The following LASP1 variants were observed in gnomAD, a reference collection of about 807,000 sequenced individuals.
LASP1 encodes LIM and SH3 domain protein 1.
Under a neutral mutation model 38.6 loss-of-function variants are expected in LASP1, and 10 were observed. That is an observed-to-expected ratio of 0.26 (90% CI 0.16 to 0.44). LASP1 has a LOEUF of 0.44. Among genes scored for constraint, LASP1 ranks in the 20% least tolerant of loss-of-function variants. The pLI is 1.00. For missense variants in LASP1, 243 were observed against 375.7 expected (o/e 0.65, Z 2.92); for synonymous variants, 132 against 140.8 (o/e 0.94, Z 0.44).
chr17:38,879,227 C>G (rs1432107566), intron 2 of LASP1, among the ~76,000 whole-genome samples: 1 of 134,728 alleles, frequency 7.4e-6, no homozygotes, highest in Non-Finnish European at 1.5e-5. Context: ...GCGATCTTGG[C>G]TCACTGCAAC....
In LASP1 at chr17:38,919,367, G is replaced by C. The variant is rs1915232507; in HGVS notation, c.*589G>C. 1 of 240,468 alleles carries C rather than the reference G, an allele frequency of 4.2e-6. No individual in the cohort carries two copies. Among genetic ancestry groups the C allele is most frequent in the Non-Finnish European group, 8.2e-6 (1 of 121,990 alleles). 14.9% of individuals were successfully genotyped at this position (240,468 alleles called of 1,614,324 possible). ...ACAACAGGAGAATGGGGTTCCTGCT[G>C]TGGGGCGAATTCATCCCCTCCCCGC... On this transcript the variant is annotated 3_prime_UTR_variant, in exon 7 of 7. Coordinates refer to ENST00000318008, the MANE Select transcript of LASP1 (RefSeq NM_006148.4).
chr17:38,914,969 G>C, intron 5 of LASP1, 74 bp from the exon 6 acceptor site: 1 of 1,387,512 alleles, frequency 7.2e-7, no homozygotes, highest in Non-Finnish European at 1.0e-6. Context: ...GCATGGTATG[G>C]ACTTCTCGGG....
chr17:38,905,552 T>C (rs1314395169), intron 4 of LASP1, among the ~76,000 whole-genome samples: 1 of 120,760 alleles, frequency 8.3e-6, no homozygotes, highest in Non-Finnish European at 1.8e-5. Flanking sequence ...AAAAAAAAAG[T>C]GTGCTCCTTC....
In LASP1 at chr17:38,918,555, C is replaced by G; in HGVS notation, c.613-50C>G. 1 of 1,524,182 alleles carries G rather than the reference C, an allele frequency of 6.6e-7. No homozygotes were observed. The highest frequency in any genetic ancestry group is 8.8e-7 in the Non-Finnish European group (1 of 1,130,594). 94.4% of individuals were successfully genotyped at this position (1,524,182 alleles called of 1,614,324 possible). A position where few individuals can be genotyped will look rare whatever the true frequency, so the allele number is the denominator to read the frequency against. ...GAGAGTTAGAAAAAAATGCTCAGACCCAGGTGAGCCGGCATGCAGGGCCCT... is the reference window on the plus strand; with the variant it reads ...GAGAGTTAGAAAAAAATGCTCAGACGCAGGTGAGCCGGCATGCAGGGCCCT... On this transcript the variant is annotated intron_variant, in intron 6 of 6. Coordinates refer to ENST00000318008, the MANE Select transcript of LASP1 (RefSeq NM_006148.4). This position sits in a 1 kb window ranked among gnomAD's most constrained non-coding sequence, Gnocchi z 4.4.
chr17:38,895,070 A>G (rs112426747), intron 3 of LASP1, among the ~76,000 whole-genome samples: 1,843 of 152,016 alleles, frequency 0.012, 48 homozygotes, highest in African/African-American at 0.042. Flanking sequence ...CTTTTTTGTT[A>G]GAAGGGGATG....
At chr17:38,886,410 G>A (rs1407391108) in intron 2 of LASP1, among the ~76,000 whole-genome samples, 4 of 152,194 alleles carry the variant, frequency 2.6e-5, no homozygotes, top group African/African-American at 9.7e-5. Flanking sequence ...GGCAGGGGAA[G>A]GAGCTTGGAG....
At chr17:38,874,495 T>C (rs1913702576) in intron 1 of LASP1, among the ~76,000 whole-genome samples, 1 of 152,096 alleles carries the variant, frequency 6.6e-6, no homozygotes, top group African/African-American at 2.4e-5. Context: ...AAGGACACAG[T>C]GGAAGGAGCT....
In LASP1 at chr17:38,914,454, C is replaced by A. The variant is rs768510382; in HGVS notation, c.487C>A (p.His163Asn). Residue 163 changes from histidine to asparagine, a missense_variant, in exon 5 of 7, where the codon CAC becomes AAC. His to Asn is a moderately conservative substitution (Grantham distance 68). Around this residue, in one of 4 missense-constraint regions of LASP1, gnomAD observed 165 missense variants for 210.3 expected, o/e 0.78. Transcript: ENST00000318008. ...RRPLEQQQPHHIPTSAPVYQQ... is the reference protein window; with the variant it reads ...RRPLEQQQPHNIPTSAPVYQQ... ...GCCCCTGGAGCAGCAGCAGCCTCAC[C>A]ACATCCCGACCAGTGCCCCGGGTGA... 1.2e-6 allele frequency: 2 copies of A among 1,608,554 alleles called. No individual in the cohort carries two copies. Among genetic ancestry groups the A allele is most frequent in the Non-Finnish European group, 1.7e-6 (2 of 1,178,302 alleles).
In LASP1 at chr17:38,921,452, CT is replaced by C. The variant is rs1379316385; in HGVS notation, c.*2681del. ...CCCCCTCACACATGCACTTTTGGGC[CT>C]TTTTTTATAGCTGGAAAAAACAAAA... On this transcript the variant is annotated 3_prime_UTR_variant, in exon 7 of 7. Transcript: ENST00000318008. The C allele has an allele frequency of 3.4e-5, 8 of 232,246 alleles. No homozygotes were observed. The highest frequency in any genetic ancestry group is 5.1e-5 in the Non-Finnish European group (6 of 117,212). 14.4% of individuals were successfully genotyped at this position (232,246 alleles called of 1,614,324 possible). A position where few individuals can be genotyped will look rare whatever the true frequency, so the allele number is the denominator to read the frequency against.
intron 2 of LASP1, among the ~76,000 whole-genome samples, chr17:38,883,739 C>CTTTTTT (rs60761350): frequency 1.0e-4 from 13 of 128,336 alleles, no homozygotes; most frequent in African/African-American, 1.4e-4. Flanking sequence ...CAGGGGCAGG[C>CTTTTTT]TTTTTTTTTT....
intron 6 of LASP1, among the ~76,000 whole-genome samples, chr17:38,917,411 T>G (rs1444780397): frequency 6.6e-6 from 1 of 152,002 alleles, no homozygotes; most frequent in Non-Finnish European, 1.5e-5. Context: ...TTTTTTTTCC[T>G]CTTTCTTTTT....
At chr17:38,873,567 ATT>A (rs1913670826) in intron 1 of LASP1, among the ~76,000 whole-genome samples, 1 of 152,108 alleles carries the variant, frequency 6.6e-6, no homozygotes, top group Admixed American at 6.5e-5. Context: ...TTTACATCTC[ATT>A]TGTGCCAAAA....
chr17:38,912,137 A>G (rs1914970010), intron 4 of LASP1, among the ~76,000 whole-genome samples: 1 of 152,144 alleles, frequency 6.6e-6, no homozygotes, highest in East Asian at 1.9e-4. Flanking sequence ...CTGCCTCAAG[A>G]ACTACATATA....
chr17:38,911,426 A>G (rs1914938483), intron 4 of LASP1, among the ~76,000 whole-genome samples: 1 of 120,998 alleles, frequency 8.3e-6, no homozygotes. Flanking sequence ...CTCTCTGGAT[A>G]TCGGGATATG....
intron 4 of LASP1, among the ~76,000 whole-genome samples, chr17:38,912,739 G>A (rs779130718): frequency 6.6e-6 from 1 of 152,178 alleles, no homozygotes; most frequent in Admixed American, 6.5e-5. Flanking sequence ...AGGGAACACC[G>A]AGGCCGGTGT....
chr17:38,892,908 G>C (rs933937546), intron 3 of LASP1, among the ~76,000 whole-genome samples: 13 of 152,202 alleles, frequency 8.5e-5, no homozygotes, highest in African/African-American at 2.9e-4. Flanking sequence ...TGAAAATGGC[G>C]GTCACTCTTC....
Position 38,918,684 on chromosome 17 carries a change from A to G in LASP1, c.692A>G (p.Asn231Ser), listed in dbSNP as rs1243601222. The change falls in exon 7 of 7, where the codon AAC becomes AGC. Residue 231 changes from asparagine (N) to serine (S), a missense_variant. By Grantham distance (46) the Asn-to-Ser change is conservative. Around this residue, in one of 4 missense-constraint regions of LASP1, gnomAD observed 165 missense variants for 210.3 expected, o/e 0.78. Coordinates refer to ENST00000318008, the MANE Select transcript of LASP1 (RefSeq NM_006148.4). The surrounding 1 kb of genome is among the most constrained non-coding windows in gnomAD (Gnocchi z 4.4). ...VSFQDGDTIV[N>S]VQQIDDGWMY... ...TTCCAGGACGGGGACACCATCGTCA[A>G]CGTGCAGCAGATCGACGACGGCTGG... 5 of 1,614,086 alleles carry G rather than the reference A, an allele frequency of 3.1e-6. No homozygotes were observed. Among genetic ancestry groups the G allele is most frequent in the Non-Finnish European group, 4.2e-6 (5 of 1,179,946 alleles).
intron 4 of LASP1, among the ~76,000 whole-genome samples, chr17:38,907,076 A>T (rs1355024220): frequency 6.6e-6 from 1 of 152,142 alleles, no homozygotes; most frequent in Non-Finnish European, 1.5e-5. Flanking sequence ...ATGTGCTAAC[A>T]TCCCCCTCAT....
intron 2 of LASP1, among the ~76,000 whole-genome samples, chr17:38,882,389 A>G (rs1913979964): frequency 6.6e-6 from 1 of 152,174 alleles, no homozygotes; most frequent in Non-Finnish European, 1.5e-5. Context: ...CTGGGATTAC[A>G]GGCACCTGCC....
Sources: allele counts gnomAD v4.1 joint callset (sites outside exome capture counted in the v4.1 genomes callset), GRCh38; gene constraint gnomAD v4.1.1; regional missense constraint gnomAD v4.1.1; non-coding constraint Gnocchi (gnomAD v3.1); transcripts MANE v1.5; gene names NCBI Gene and HGNC (gene_info 2026-07-23, HGNC 2026-07-21).